The following PRKN variants were observed in gnomAD, a reference collection of about 807,000 sequenced individuals.
PRKN encodes parkin RBR E3 ubiquitin protein ligase, also known as E3 ubiquitin-protein ligase parkin.
Under a neutral mutation model 59.5 loss-of-function variants are expected in PRKN, and 56 were observed. That is an observed-to-expected ratio of 0.94 (90% CI 0.76 to 1.18). The LOEUF (loss-of-function observed/expected upper bound fraction) is 1.18, where lower values mean the gene tolerates loss of function less well. Among genes scored for constraint, PRKN ranks in the 50% most tolerant of loss-of-function variants. The pLI is 0.00. For missense variants in PRKN, 657 were observed against 596.4 expected, an observed-to-expected ratio of 1.10 and a Z score of -1.06; for synonymous variants, 250 against 222.1, an observed-to-expected ratio of 1.13 and a Z score of -1.12.
intron 4 of PRKN, among the ~76,000 whole-genome samples, chr6:162,114,778 A>T (rs1780594565): frequency 1.3e-5 from 2 of 151,842 alleles, no homozygotes; most frequent in African/African-American, 2.4e-5. Context: ...AGAAATGCAA[A>T]TCAAAACCAC....
intron 1 of PRKN, among the ~76,000 whole-genome samples, chr6:162,647,467 C>T (rs906219730): frequency 2.8e-5 from 4 of 144,910 alleles, no homozygotes; most frequent in Non-Finnish European, 6.2e-5. Flanking sequence ...GTGATTCAAA[C>T]GCATGAGCAG....
intron 1 of PRKN, among the ~76,000 whole-genome samples, chr6:162,664,354 ACG>A (rs1779014890): frequency 5.9e-5 from 9 of 152,184 alleles, no homozygotes; most frequent in Admixed American, 5.9e-4. Flanking sequence ...CAATAAACAT[ACG>A]TGTACATATG....
intron 1 of PRKN, among the ~76,000 whole-genome samples, chr6:162,611,519 A>G (rs1403841302): frequency 6.6e-6 from 1 of 152,174 alleles, no homozygotes; most frequent in Non-Finnish European, 1.5e-5. Flanking sequence ...GGTGCATTAC[A>G]CTCAGAAGGA....
chr6:162,535,371 T>C (rs954523206), intron 1 of PRKN, among the ~76,000 whole-genome samples: 8 of 152,128 alleles, frequency 5.3e-5, no homozygotes, highest in African/African-American at 1.9e-4. Flanking sequence ...TAATATTTTG[T>C]CCAATGTCTT....
chr6:162,262,801 A>C, intron 2 of PRKN, 36 bp from the exon 3 acceptor site: 1 of 1,590,156 alleles, frequency 6.3e-7, no homozygotes, highest in Non-Finnish European at 8.5e-7. Flanking sequence ...AAAAAAAAAA[A>C]AAGGAAATGT....
intron 2 of PRKN, among the ~76,000 whole-genome samples, chr6:162,387,213 T>G (rs2128142884): frequency 8.3e-6 from 1 of 119,950 alleles, no homozygotes; most frequent in South Asian, 2.7e-4. Context: ...ATCCAGTAAT[T>G]ACACACTAAG....
At chr6:162,566,225 T>C (rs1041288480) in intron 1 of PRKN, among the ~76,000 whole-genome samples, 2 of 152,056 alleles carry the variant, frequency 1.3e-5, no homozygotes, top group Non-Finnish European at 2.9e-5. Context: ...ATCTTCATGA[T>C]AGCCCAAAAA....
In PRKN at chr6:161,460,213, A is replaced by G. The variant is rs1790140562; in HGVS notation, c.1084-73336T>C. 6.6e-6 allele frequency among the ~76,000 whole-genome samples: 1 copy of G among 152,222 alleles called. No individual in the cohort carries two copies. The highest frequency in any genetic ancestry group is 1.5e-5 in the Non-Finnish European group (1 of 68,038). ...ATAGGAATATAATCCGTGTTATTTT[A>G]GGATGTCACAGAGGTTGCAACAAAA... On this transcript the variant is annotated intron_variant, in intron 9 of 11. Transcript: ENST00000366898. This position sits in a 1 kb window ranked among gnomAD's most constrained non-coding sequence, Gnocchi z 5.0.
At chr6:162,509,134 G>T (rs535011906) in intron 1 of PRKN, among the ~76,000 whole-genome samples, 9 of 152,276 alleles carry the variant, frequency 5.9e-5, no homozygotes, top group African/African-American at 2.2e-4. Context: ...TAACCCAGCA[G>T]CTTTAATGTC....
rs117828408 is a variant in PRKN, at chr6:161,440,320, T to C, written c.1084-53443A>G. Reference sequence around the variant, plus strand: ...AGTTGACAATGTCTGGAGACATTTTTCACTGTCACACTACAGAGTGCCACT... The same window carrying C: ...AGTTGACAATGTCTGGAGACATTTTCCACTGTCACACTACAGAGTGCCACT... On this transcript the variant is annotated intron_variant, in intron 9 of 11. Coordinates refer to ENST00000366898, the MANE Select transcript of PRKN (RefSeq NM_004562.3). This position sits in a 1 kb window ranked among gnomAD's most constrained non-coding sequence, Gnocchi z 4.1. Among the ~76,000 whole-genome samples, 133 of 152,320 alleles carry C rather than the reference T, an allele frequency of 8.7e-4. 1 individual carries two copies. The South Asian group carries it at 0.013, about 15-fold the overall frequency.
chr6:162,388,734 C>A (rs947724307), intron 2 of PRKN, among the ~76,000 whole-genome samples: 4 of 152,198 alleles, frequency 2.6e-5, no homozygotes, highest in African/African-American at 9.6e-5. Context: ...ACCCCTCTCT[C>A]TTCTCCAGTA....
intron 6 of PRKN, among the ~76,000 whole-genome samples, chr6:161,866,727 G>A (rs1794125764): frequency 6.6e-6 from 1 of 152,184 alleles, no homozygotes; most frequent in Admixed American, 6.5e-5. Context: ...TGCCAAGTGC[G>A]ATACGATAGA....
At chr6:161,695,709 G>A (rs1785991263) in intron 7 of PRKN, among the ~76,000 whole-genome samples, 1 of 152,192 alleles carries the variant, frequency 6.6e-6, no homozygotes. Context: ...GCGGCTGCTA[G>A]AGGGAAAGAT....
chr6:161,404,759 C>A (rs1174688757), intron 9 of PRKN, among the ~76,000 whole-genome samples: 1 of 152,214 alleles, frequency 6.6e-6, no homozygotes, highest in East Asian at 1.9e-4. Context: ...TGGGAAGGCT[C>A]TGTTTCTAAG....
At chr6:161,804,225 G>A (rs892601803) in intron 6 of PRKN, among the ~76,000 whole-genome samples, 14 of 152,200 alleles carry the variant, frequency 9.2e-5, no homozygotes, top group African/African-American at 2.9e-4. Flanking sequence ...ATGCAGGCTC[G>A]ACACCCAAGA....
At chr6:162,684,707 G>C (rs1334686850) in intron 1 of PRKN, among the ~76,000 whole-genome samples, 1 of 152,054 alleles carries the variant, frequency 6.6e-6, no homozygotes, top group Non-Finnish European at 1.5e-5. Flanking sequence ...CAAGGAGCAG[G>C]TTACTTATTT....
Position 161,763,567 on chromosome 6 carries a change from T to C in PRKN, c.871+22205A>G, listed in dbSNP as rs1789294857. Among the ~76,000 whole-genome samples the C allele has an allele frequency of 2.0e-5, 3 of 152,070 alleles. No individual in the cohort carries two copies. In the South Asian group the frequency reaches 6.2e-4, roughly 32 times the overall value. ...CCACGTTGTAAGAGGAGATTGTGCA[T>C]CTGTTTCTGTCTCTGTTTCTTGCAC... On this transcript the variant is annotated intron_variant, in intron 7 of 11. Coordinates refer to ENST00000366898, the MANE Select transcript of PRKN (RefSeq NM_004562.3).
intron 5 of PRKN, among the ~76,000 whole-genome samples, chr6:161,977,755 G>C (rs1365273615): frequency 6.6e-6 from 1 of 150,800 alleles, no homozygotes; most frequent in East Asian, 2.0e-4. Context: ...CACCATGTTA[G>C]CCAGGATGGT....
intron 3 of PRKN, among the ~76,000 whole-genome samples, chr6:162,209,935 C>A (rs1399595076): frequency 1.4e-5 from 2 of 147,570 alleles, no homozygotes; most frequent in African/African-American, 5.0e-5. Flanking sequence ...GGGCGGGGAA[C>A]ATCACACACT....
Sources: allele counts gnomAD v4.1 joint callset (sites outside exome capture counted in the v4.1 genomes callset), GRCh38; gene constraint gnomAD v4.1.1; non-coding constraint Gnocchi (gnomAD v3.1); transcripts MANE v1.5; gene names NCBI Gene and HGNC (gene_info 2026-07-23, HGNC 2026-07-21).